Variants in ALPK2 observed in about 807,000 individuals in gnomAD.
The protein encoded by ALPK2 is alpha kinase 2, also known as alpha-protein kinase 2.
ALPK2 carries 127 observed loss-of-function variants against 163.1 expected under a neutral mutation model. That is an observed-to-expected ratio of 0.78 (90% CI 0.67 to 0.90). The LOEUF (loss-of-function observed/expected upper bound fraction) is 0.90, where lower values mean the gene tolerates loss of function less well. Ranked by LOEUF, ALPK2 falls within the 40% of genes least tolerant of loss-of-function variation. The pLI is 0.00. For missense variants in ALPK2, 2,360 were observed against 2,589.6 expected (o/e 0.91, Z 1.92); for synonymous variants, 953 against 959.1 (o/e 0.99, Z 0.12).
At position 58,537,108 on chromosome 18, in the gene ALPK2, T is replaced by C. The variant is rs752433459; in HGVS notation, c.3079A>G (p.Ile1027Val). 137 of 1,614,084 alleles carry C rather than the reference T, an allele frequency of 8.5e-5. No individual in the cohort carries two copies. The highest frequency in any genetic ancestry group is 1.1e-4 in the Non-Finnish European group (130 of 1,180,020). The change falls in exon 5 of 13, where the codon ATT becomes GTT. Residue 1027 changes from isoleucine (I) to valine (V), a missense_variant. By Grantham distance (29) the Ile-to-Val change is conservative. Coordinates refer to ENST00000361673, the MANE Select transcript of ALPK2 (RefSeq NM_052947.4). The part of the protein sequence containing the change: ...VHPAKYLAVS[I>V]PEDKHAGGTE... ...CCACCTGCATGCTTGTCCTCAGGAA[T>C]TGACACAGCAAGGTATTTGGCTGGG...
intron 3 of ALPK2, among the ~76,000 whole-genome samples, chr18:58,587,783 C>G (rs897601975): frequency 5.3e-5 from 8 of 151,918 alleles, no homozygotes; most frequent in Non-Finnish European, 8.8e-5. Context: ...TAATGAGAGT[C>G]CCCATAGGAG....
intron 3 of ALPK2, among the ~76,000 whole-genome samples, chr18:58,587,911 T>C (rs1568094305): frequency 1.3e-5 from 2 of 152,236 alleles, no homozygotes; most frequent in African/African-American, 4.8e-5. Flanking sequence ...CAAATACTTT[T>C]AGTTTTCCTT....
Position 58,481,967 on chromosome 18 carries a change from C to T in ALPK2, c.6369G>A (p.Lys2123=). 6.2e-7 allele frequency: 1 copy of T among 1,614,164 alleles called. No homozygotes were observed. The highest frequency in any genetic ancestry group is 8.5e-7 in the Non-Finnish European group (1 of 1,180,018). ...ATTTCAGTCCCAGCATTTTGCAATA[C>T]TTGTTACACTGGTGTAGTGCTTTAA... ...DQFKALHQCN[K]YCKMLGLKSL... Residue 2123 remains lysine, a synonymous_variant, in exon 13 of 13, where the codon AAG becomes AAA. Transcript: ENST00000361673.
chr18:58,507,286 C>T (rs1457030020), intron 10 of ALPK2, among the ~76,000 whole-genome samples: 3 of 152,146 alleles, frequency 2.0e-5, no homozygotes, highest in Admixed American at 6.5e-5. Flanking sequence ...CCTATGCATG[C>T]AAAGACGTGA....
intron 3 of ALPK2, among the ~76,000 whole-genome samples, chr18:58,601,997 C>A (rs1341146588): frequency 4.6e-5 from 7 of 152,158 alleles, no homozygotes; most frequent in African/African-American, 1.7e-4. Flanking sequence ...AGCACCCCAC[C>A]CCCTCCTGTC....
chr18:58,531,584 A>C (rs1158925103), intron 5 of ALPK2, among the ~76,000 whole-genome samples: 2 of 148,208 alleles, frequency 1.3e-5, no homozygotes, highest in Non-Finnish European at 3.0e-5. Context: ...ATGGTGGAGT[A>C]GATTCTTAAA....
chr18:58,547,929 G>A (rs1418248893), intron 4 of ALPK2, among the ~76,000 whole-genome samples: 1 of 152,206 alleles, frequency 6.6e-6, no homozygotes, highest in Non-Finnish European at 1.5e-5. Flanking sequence ...GGTTCTAGGA[G>A]AGTATTTTCA....
chr18:58,566,982 C>T (rs1568087366), intron 4 of ALPK2, among the ~76,000 whole-genome samples: 3 of 151,608 alleles, frequency 2.0e-5, no homozygotes, highest in South Asian at 4.2e-4. Context: ...ATCCTCAGAC[C>T]GCATATTAAA....
intron 4 of ALPK2, among the ~76,000 whole-genome samples, chr18:58,542,989 C>T (rs1032901228): frequency 4.6e-5 from 7 of 152,148 alleles, no homozygotes; most frequent in East Asian, 1.9e-4. Context: ...CTTTAAGAGG[C>T]GATTGAATCA....
At chr18:58,531,991 T>G (rs181528832) in intron 5 of ALPK2, among the ~76,000 whole-genome samples, 8 of 146,240 alleles carry the variant, frequency 5.5e-5, no homozygotes, top group Admixed American at 4.8e-4. Flanking sequence ...GCTGGCCCTC[T>G]GAATGCTGCC....
rs1602214897 is a variant in ALPK2, at chr18:58,553,670, C to G, written c.1963-15446G>C. Among the ~76,000 whole-genome samples, 3 of 152,020 alleles carry G rather than the reference C, an allele frequency of 2.0e-5. No homozygotes were observed. In the East Asian group the frequency reaches 5.8e-4, roughly 29 times the overall value. On this transcript the variant is annotated intron_variant, in intron 4 of 12. Transcript: ENST00000361673. ...TGATGGTTTTCTAAGGGCCTGTTCC[C>G]TGCTTCACTTGGCATTTCTCCTTCC...
At position 58,537,890 on chromosome 18, in the gene ALPK2, G is replaced by A. The variant is rs138991964; in HGVS notation, c.2297C>T (p.Ala766Val). 2 of 1,614,078 alleles carry A rather than the reference G, an allele frequency of 1.2e-6. No homozygotes were observed. Among genetic ancestry groups the A allele is most frequent in the African/African-American group, 2.7e-5 (2 of 74,924 alleles). The change falls in exon 5 of 13, where the codon GCT becomes GTT. Residue 766 changes from alanine to valine, a missense_variant. Coordinates refer to ENST00000361673, the MANE Select transcript of ALPK2 (RefSeq NM_052947.4). ...FSRHLPKDAR[A>V]DFREPVAVSV... ...GACAGCCACAGGCTCCCTGAAGTCA[G>A]CACGAGCATCCTTGGGGAGATGCCT...
chr18:58,511,280 C>T (rs1157428634), intron 10 of ALPK2, among the ~76,000 whole-genome samples: 4 of 152,252 alleles, frequency 2.6e-5, no homozygotes, highest in Admixed American at 6.5e-5. Flanking sequence ...CTGCTGGATT[C>T]GGTTTGCCAG....
At chr18:58,554,443 GC>G (rs1397441005) in intron 4 of ALPK2, among the ~76,000 whole-genome samples, 1 of 152,154 alleles carries the variant, frequency 6.6e-6, no homozygotes, top group African/African-American at 2.4e-5. Context: ...GTCACTAAAG[GC>G]CACATCCTGA....
intron 4 of ALPK2, among the ~76,000 whole-genome samples, chr18:58,567,779 A>G (rs12456254): frequency 0.19 from 29,232 of 152,084 alleles, 3,394 homozygotes; most frequent in East Asian, 0.43. Context: ...CAGGGGCCCT[A>G]TTAAGTTGTA....
At chr18:58,486,131 C>G (rs1013930576) in intron 12 of ALPK2, among the ~76,000 whole-genome samples, 4 of 152,194 alleles carry the variant, frequency 2.6e-5, no homozygotes, top group Non-Finnish European at 5.9e-5. Context: ...TCTGGGCAGC[C>G]CCTGGGTAGA....
intron 3 of ALPK2, among the ~76,000 whole-genome samples, chr18:58,584,105 A>G (rs1252813826): frequency 2.6e-5 from 4 of 152,236 alleles, no homozygotes; most frequent in African/African-American, 9.6e-5. Context: ...AACAGATGGG[A>G]GATTGTCATA....
chr18:58,520,566 A>G (rs934959278), intron 8 of ALPK2, among the ~76,000 whole-genome samples: 4 of 152,060 alleles, frequency 2.6e-5, no homozygotes, highest in Non-Finnish European at 4.4e-5. Flanking sequence ...TGAAATCCAA[A>G]TCCTCAACTC....
intron 4 of ALPK2, among the ~76,000 whole-genome samples, chr18:58,540,852 A>G (rs1288325644): frequency 6.6e-6 from 1 of 152,208 alleles, no homozygotes; most frequent in East Asian, 1.9e-4. Flanking sequence ...TCAGTTAAAA[A>G]GTTACTATGA....
Sources: gnomAD v4.1 joint callset for allele counts (sites outside exome capture counted in the v4.1 genomes callset) on GRCh38, gnomAD v4.1.1 for gene constraint, MANE v1.5 for transcripts, NCBI Gene and HGNC (gene_info 2026-07-23, HGNC 2026-07-21) for gene names.